The following ZNF385C variants were observed in gnomAD, a reference collection of about 807,000 sequenced individuals.
ZNF385C encodes the protein CTD-2132N18.2.
In ZNF385C, 28 loss-of-function variants were observed where a neutral mutation model predicts 35.4. That is an observed-to-expected ratio of 0.79 (90% CI 0.59 to 1.08). The LOEUF (loss-of-function observed/expected upper bound fraction) is 1.08, where lower values mean the gene tolerates loss of function less well. Ranked by LOEUF, ZNF385C falls within the 50% of genes least tolerant of loss-of-function variation. The probability of loss-of-function intolerance (pLI) is 0.00; values close to 1 mark genes in which losing one functional copy is unlikely to be tolerated. For synonymous variants in ZNF385C, 248 were observed against 248.2 expected (o/e 1.00, Z 0.01); for missense variants, 605 against 595.6 (o/e 1.02, Z -0.16).
intron 2 of ZNF385C, among the ~76,000 whole-genome samples, chr17:42,046,139 C>T (rs1312822334): frequency 1.3e-5 from 2 of 152,164 alleles, no homozygotes; most frequent in East Asian, 1.9e-4. Flanking sequence ...GCTCCCTATG[C>T]GTGAGTCTTC....
intron 1 of ZNF385C, among the ~76,000 whole-genome samples, chr17:42,068,922 C>G (rs944381796): frequency 9.9e-5 from 15 of 152,062 alleles, no homozygotes; most frequent in South Asian, 4.1e-4. Flanking sequence ...CAGCCTCTAT[C>G]AGGCCCTGTG....
intron 3 of ZNF385C, 146 bp from the exon 4 acceptor site, chr17:42,034,481 G>C (rs1465838660): frequency 4.8e-6 from 3 of 623,428 alleles, no homozygotes; most frequent in Non-Finnish European, 5.6e-6. Context: ...TGTGGATGTT[G>C]GAAAGAGAAA....
rs60694132 is a variant in ZNF385C, at chr17:42,047,029, A to AT, written c.251-9145dup. ...AGGCACATGCCGCCATGCCCGGCTA[A>AT]TTTTTTTTTTTTTTTTTTTTGAGAC... is the stretch of plus-strand genomic sequence containing the variant. On this transcript the variant is annotated intron_variant, in intron 2 of 8. Coordinates refer to ENST00000692273, the MANE Select transcript of ZNF385C (RefSeq NM_001392013.1). Among the ~76,000 whole-genome samples, 114 of 116,582 alleles carry AT rather than the reference A, an allele frequency of 9.8e-4. 1 individual carries two copies. The highest frequency in any genetic ancestry group is 8.7e-3 in the Middle Eastern group (2 of 230). The allele number at this position is 116,582 out of a possible 152,430, so 76.5% of individuals were successfully genotyped here.
intron 1 of ZNF385C, among the ~76,000 whole-genome samples, chr17:42,070,851 G>A (rs1212319946): frequency 2.0e-5 from 3 of 152,204 alleles, no homozygotes; most frequent in East Asian, 1.9e-4. Context: ...CTGGGTACCC[G>A]CTGAGTGTCC....
At chr17:42,056,279 G>T (rs2053374554) in intron 2 of ZNF385C, among the ~76,000 whole-genome samples, 1 of 152,196 alleles carries the variant, frequency 6.6e-6, no homozygotes, top group African/African-American at 2.4e-5. Context: ...CCATTTTTCA[G>T]TTGAGCACAC....
chr17:42,088,079 AG>A (rs1303634089), intron 1 of ZNF385C, among the ~76,000 whole-genome samples: 37 of 152,184 alleles, frequency 2.4e-4, no homozygotes, highest in South Asian at 6.2e-4. Flanking sequence ...GGTCGTTATG[AG>A]GATTACCTGA....
Position 42,031,643 on chromosome 17 carries a change from C to T in ZNF385C, c.652G>A (p.Ala218Thr), listed in dbSNP as rs781813775. 1.9e-6 allele frequency: 3 copies of T among 1,550,632 alleles called. No individual in the cohort carries two copies. Among genetic ancestry groups the T allele is most frequent in the Non-Finnish European group, 2.6e-6 (3 of 1,147,010 alleles). Reference protein sequence around the residue: ...VSPIPTLASGAPGEPQSKVPA... With the variant: ...VSPIPTLASGTPGEPQSKVPA... Reference sequence around the variant, plus strand: ...CCTTTACTCTGTGGCTCTCCAGGGGCTCCACTGGCCAGCGTTGGGATTGGG... The same window carrying T: ...CCTTTACTCTGTGGCTCTCCAGGGGTTCCACTGGCCAGCGTTGGGATTGGG... The change falls in exon 5 of 9, where the codon GCC (alanine) becomes ACC (threonine). Residue 218 changes from alanine (A) to threonine (T), a missense_variant. Coordinates refer to ENST00000692273, the MANE Select transcript of ZNF385C (RefSeq NM_001392013.1).
At chr17:42,034,555 A>G (rs1555655239) in intron 3 of ZNF385C, among the ~76,000 whole-genome samples, 2 of 151,782 alleles carry the variant, frequency 1.3e-5, no homozygotes, top group Admixed American at 6.6e-5. Flanking sequence ...CGAGGCAGGC[A>G]GATCACCTCA....
intron 4 of ZNF385C, among the ~76,000 whole-genome samples, chr17:42,032,735 G>A (rs1364484050): frequency 6.7e-6 from 1 of 149,508 alleles, no homozygotes; most frequent in Non-Finnish European, 1.5e-5. Flanking sequence ...TTTTTGAGAC[G>A]GAATCTCGCT....
chr17:42,085,596 A>T lies in ZNF385C; in HGVS notation c.-3+12814T>A, dbSNP rs1452563025. Among the ~76,000 whole-genome samples the T allele has an allele frequency of 2.2e-3, 233 of 107,572 alleles. 1 individual carries two copies. Among genetic ancestry groups the T allele is most frequent in the African/African-American group, 7.9e-3 (219 of 27,838 alleles). The allele number at this position is 107,572 out of a possible 152,430, so 70.6% of individuals were successfully genotyped here. On this transcript the variant is annotated intron_variant, in intron 1 of 8. Transcript: ENST00000692273. ...CCGCCAAGCTGGGCCTCTGCAAAAC[A>T]TTTTTTTTTTTTTTTTTTTGAGACA... is the stretch of plus-strand genomic sequence containing the variant.
chr17:42,083,269 C>T (rs1374289288), intron 1 of ZNF385C, among the ~76,000 whole-genome samples: 2 of 149,956 alleles, frequency 1.3e-5, no homozygotes, highest in Non-Finnish European at 3.0e-5. Flanking sequence ...GTGGCGTGAT[C>T]CCAGCTCACT....
intron 1 of ZNF385C, among the ~76,000 whole-genome samples, chr17:42,078,852 A>T (rs1347483151): frequency 2.0e-5 from 3 of 152,060 alleles, no homozygotes; most frequent in Non-Finnish European, 4.4e-5. Flanking sequence ...ATTTGGAGGG[A>T]CTGCGGGGAA....
chr17:42,052,152 G>A (rs1428033713), intron 2 of ZNF385C, among the ~76,000 whole-genome samples: 2 of 152,194 alleles, frequency 1.3e-5, no homozygotes, highest in Non-Finnish European at 2.9e-5. Context: ...AGGGTGGGGT[G>A]TGGTCAGAGG....
chr17:42,090,698 T>C (rs1288996636), intron 1 of ZNF385C, among the ~76,000 whole-genome samples: 2 of 151,686 alleles, frequency 1.3e-5, no homozygotes, highest in Admixed American at 6.5e-5. Context: ...ATCGAGACCA[T>C]GGTGAAACCC....
intron 5 of ZNF385C, 24 bp downstream of exon 5, chr17:42,031,595 G>C (rs1277798284): frequency 6.6e-7 from 1 of 1,526,102 alleles, no homozygotes; most frequent in Non-Finnish European, 8.8e-7. Context: ...GGAGACGTGG[G>C]AAAGAGAAGA....
intron 4 of ZNF385C, among the ~76,000 whole-genome samples, chr17:42,033,484 C>T (rs2052776495): frequency 6.6e-6 from 1 of 152,214 alleles, no homozygotes; most frequent in South Asian, 2.1e-4. Flanking sequence ...GGCGCGGTGG[C>T]TCACACCTGT....
At chr17:42,040,316 C>A in intron 2 of ZNF385C, 1 of 1,231,766 alleles carries the variant, frequency 8.1e-7, no homozygotes, top group Non-Finnish European at 1.0e-6. Flanking sequence ...AGCTCCACGC[C>A]GCGGTAGGTG....
Position 42,089,315 on chromosome 17 carries a change from C to CTAAA in ZNF385C, c.-3+9091_-3+9094dup, listed in dbSNP as rs140225933. On this transcript the variant is annotated intron_variant, in intron 1 of 8. Coordinates refer to ENST00000692273, the MANE Select transcript of ZNF385C (RefSeq NM_001392013.1). ...TAGGGGACAGAATAAGACCCTGTCT[C>CTAAA]TAAATAAATAAATAAATAAATAAAT... Among the ~76,000 whole-genome samples, 940 of 151,636 alleles carry CTAAA rather than the reference C, an allele frequency of 6.2e-3. 7 individuals are homozygous for CTAAA. Among genetic ancestry groups the CTAAA allele is most frequent in the Non-Finnish European group, 6.8e-3 (462 of 67,914 alleles).
chr17:42,064,146 G>T (rs1421997236), intron 1 of ZNF385C, among the ~76,000 whole-genome samples: 3 of 148,008 alleles, frequency 2.0e-5, no homozygotes, highest in Non-Finnish European at 4.5e-5. Flanking sequence ...ACCCTCAAGT[G>T]GCCCCTCCAG....
Sources: gnomAD v4.1 joint callset for allele counts (sites outside exome capture counted in the v4.1 genomes callset) on GRCh38, gnomAD v4.1.1 for gene constraint, MANE v1.5 for transcripts, NCBI Gene and HGNC (gene_info 2026-07-23, HGNC 2026-07-21) for gene names.